KIAA0825: variants seen among roughly 807,000 people sequenced by gnomAD.
The protein encoded by KIAA0825 is uncharacterized protein KIAA0825.
A neutral mutation model predicts 147.6 loss-of-function variants in KIAA0825; 119 were observed. The observed-to-expected ratio is 0.81, with a 90% CI of 0.69 to 0.94. The LOEUF (loss-of-function observed/expected upper bound fraction) is 0.94. KIAA0825 is among the 40% of genes least tolerant of loss of function. KIAA0825 has a pLI of 0.00. For synonymous variants in KIAA0825, 470 were observed against 518.1 expected (o/e 0.91, Z 1.26); for missense variants, 1,381 against 1,472.7 (o/e 0.94, Z 1.02).
intron 15 of KIAA0825, among the ~76,000 whole-genome samples, 179 bp from the exon 16 acceptor site, chr5:94,403,972 T>A (rs1003754714): frequency 4.1e-5 from 5 of 122,652 alleles, no homozygotes; most frequent in African/African-American, 1.3e-4. Flanking sequence ...AAAAGATTCT[T>A]CTTCTTTGTA....
chr5:94,501,211 C>T lies in KIAA0825; in HGVS notation c.971-16281G>A, dbSNP rs143286705. ...TTTGCTATATATTGATGTTTGGGAA[C>T]ACCACATTAACATATGACAGCAAGT... is the stretch of plus-strand genomic sequence containing the variant. On this transcript the variant is annotated intron_variant, in intron 5 of 20. Transcript: ENST00000682413. Among the ~76,000 whole-genome samples the T allele has an allele frequency of 1.2e-4, 18 of 152,230 alleles. No individual in the cohort carries two copies. In the East Asian group the frequency reaches 3.1e-3, roughly 26 times the overall value.
At chr5:94,449,821 G>A (rs1758174263) in intron 13 of KIAA0825, among the ~76,000 whole-genome samples, 1 of 152,178 alleles carries the variant, frequency 6.6e-6, no homozygotes, top group African/African-American at 2.4e-5. Context: ...GGTCATGCCT[G>A]CAATCCCAGC....
At chr5:94,525,684 A>G (rs933244939) in intron 3 of KIAA0825, among the ~76,000 whole-genome samples, 13 of 151,982 alleles carry the variant, frequency 8.6e-5, no homozygotes, top group Non-Finnish European at 1.8e-4. Context: ...GTCTCATTCA[A>G]TGAAACCTAA....
intron 20 of KIAA0825, among the ~76,000 whole-genome samples, chr5:94,370,524 T>A (rs1746532649): frequency 6.6e-6 from 1 of 151,714 alleles, no homozygotes; most frequent in Non-Finnish European, 1.5e-5. Flanking sequence ...ATTAGCAGAG[T>A]TTGATGGGAA....
intron 15 of KIAA0825, chr5:94,416,784 C>T (rs1286465695): frequency 5.8e-6 from 1 of 171,516 alleles, no homozygotes; most frequent in Admixed American, 5.5e-5. Context: ...TAATAAATGC[C>T]TTATACATCT....
At chr5:94,291,594 G>A (rs1007700082) in intron 20 of KIAA0825, among the ~76,000 whole-genome samples, 1 of 152,044 alleles carries the variant, frequency 6.6e-6, no homozygotes, top group East Asian at 1.9e-4. Context: ...TTGGCTATAC[G>A]GGCTCTTTTT....
At chr5:94,175,623 C>G (rs1196302680) in intron 20 of KIAA0825, among the ~76,000 whole-genome samples, 1 of 152,130 alleles carries the variant, frequency 6.6e-6, no homozygotes, top group African/African-American at 2.4e-5. Flanking sequence ...GTTTCTCTCC[C>G]TTATTTAAAT....
At chr5:94,263,768 C>T (rs1199842432) in intron 20 of KIAA0825, among the ~76,000 whole-genome samples, 1 of 152,058 alleles carries the variant, frequency 6.6e-6, no homozygotes, top group African/African-American at 2.4e-5. Flanking sequence ...GATTCTAGTC[C>T]TCAGCATCTC....
intron 20 of KIAA0825, among the ~76,000 whole-genome samples, chr5:94,160,383 A>G (rs1189779907): frequency 6.6e-6 from 1 of 150,584 alleles, no homozygotes. Flanking sequence ...TCATATATGT[A>G]CATATATGAA....
chr5:94,396,512 G>T lies in KIAA0825; in HGVS notation c.2888-3C>A. The T allele has an allele frequency of 6.8e-7, 1 of 1,471,066 alleles. No homozygotes were observed. The highest frequency in any genetic ancestry group is 9.0e-7 in the Non-Finnish European group (1 of 1,112,544). The allele number at this position is 1,471,066 out of a possible 1,614,324, so 91.1% of individuals were successfully genotyped here. On this transcript the variant is annotated splice_region_variant and splice_polypyrimidine_tract_variant and intron_variant, in intron 16 of 20. Transcript: ENST00000682413. ...CTGAGCAGTAAGCCTTGTGAAGCCT[G>T]GGGAAGAAAAGAAAAGGTATGATTA...
At chr5:94,384,855 A>T (rs1367964934) in intron 19 of KIAA0825, among the ~76,000 whole-genome samples, 1 of 152,196 alleles carries the variant, frequency 6.6e-6, no homozygotes, top group Non-Finnish European at 1.5e-5. Context: ...AAGTTTGATT[A>T]AAAAACAAAC....
At chr5:94,403,881 T>C in intron 15 of KIAA0825, 88 bp from the exon 16 acceptor site, 1 of 1,105,954 alleles carries the variant, frequency 9.0e-7, no homozygotes, top group Non-Finnish European at 1.3e-6. Context: ...TGTAATCATC[T>C]AGTTTAAAGC....
At position 94,553,207 on chromosome 5, in the gene KIAA0825, G is replaced by A. The variant is rs542627385; in HGVS notation, c.-1-16080C>T. Among the ~76,000 whole-genome samples the A allele has an allele frequency of 4.6e-5, 7 of 152,262 alleles. No individual in the cohort carries two copies. In the East Asian group the frequency reaches 1.2e-3, roughly 25 times the overall value. On this transcript the variant is annotated intron_variant, in intron 2 of 20. Coordinates refer to ENST00000682413, the MANE Select transcript of KIAA0825 (RefSeq NM_001145678.3). ...TAATCCCAGTACTTTGGGAGGCGGAGGCGGGTGGATCACCTGAGGTCAGGA... is the reference window on the plus strand; with the variant it reads ...TAATCCCAGTACTTTGGGAGGCGGAAGCGGGTGGATCACCTGAGGTCAGGA...
Position 94,391,572 on chromosome 5 carries a change from T to C in KIAA0825, c.3419A>G (p.Tyr1140Cys). Residue 1140 changes from tyrosine to cysteine, a missense_variant, in exon 18 of 21, where the codon TAC becomes TGC. By Grantham distance (194) the Tyr-to-Cys change is radical (BLOSUM62 -2). Coordinates refer to ENST00000682413, the MANE Select transcript of KIAA0825 (RefSeq NM_001145678.3). The stretch of plus-strand genomic sequence containing the variant: ...CATGATGTGATAAATTTGCCTCAGG[T>C]ACTCCCTGCCACCTGGTTTGTGGCA... ...DLCHKPGGRE[Y>C]LRQIYHIMQL... The C allele has an allele frequency of 6.4e-7, 1 of 1,551,622 alleles. No homozygotes were observed. The highest frequency in any genetic ancestry group is 1.7e-4 in the Middle Eastern group (1 of 5,992).
intron 20 of KIAA0825, among the ~76,000 whole-genome samples, chr5:94,254,446 A>C (rs989224072): frequency 6.6e-6 from 1 of 152,096 alleles, no homozygotes; most frequent in Non-Finnish European, 1.5e-5. Flanking sequence ...AAATAACCAA[A>C]TGAGAGAGCA....
chr5:94,460,519 G>A (rs1332337503), intron 12 of KIAA0825, among the ~76,000 whole-genome samples: 1 of 152,070 alleles, frequency 6.6e-6, no homozygotes. Context: ...ATCACATAGA[G>A]TGACAAATGT....
chr5:94,551,422 A>G (rs1167730132), intron 2 of KIAA0825, among the ~76,000 whole-genome samples: 1 of 152,142 alleles, frequency 6.6e-6, no homozygotes, highest in African/African-American at 2.4e-5. Flanking sequence ...TAGTAGTGAA[A>G]TTGTCAAAAG....
rs185953232 is a variant in KIAA0825 at position 94,533,433 on chromosome 5, C to A, written c.131+3563G>T. Reference sequence around the variant, plus strand: ...CTGGGATTACAGGTGTGCACCACCACGCCCGGCTGATTTTTGTATTCTTAG... The same window carrying A: ...CTGGGATTACAGGTGTGCACCACCAAGCCCGGCTGATTTTTGTATTCTTAG... On this transcript the variant is annotated intron_variant, in intron 3 of 20. Transcript: ENST00000682413. Among the ~76,000 whole-genome samples the A allele has an allele frequency of 2.7e-3, 405 of 151,932 alleles. 1 individual carries two copies. The highest frequency in any genetic ancestry group is 4.9e-3 in the Non-Finnish European group (332 of 67,982).
intron 1 of KIAA0825, among the ~76,000 whole-genome samples, chr5:94,591,406 G>A (rs886834553): frequency 1.3e-5 from 2 of 152,150 alleles, no homozygotes; most frequent in African/African-American, 4.8e-5. Flanking sequence ...TGTGGGTAAA[G>A]GGAAATAAAT....
Sources: allele counts gnomAD v4.1 joint callset (sites outside exome capture counted in the v4.1 genomes callset), GRCh38; gene constraint gnomAD v4.1.1; transcripts MANE v1.5; gene names NCBI Gene and HGNC (gene_info 2026-07-23, HGNC 2026-07-21).